The following SNX8 variants were observed in gnomAD, a reference collection of about 807,000 sequenced individuals.
The protein encoded by SNX8 is sorting nexin 8, also known as sorting nexin-8.
SNX8 carries 25 observed loss-of-function variants against 51.6 expected under a neutral mutation model. The ratio of observed to expected loss-of-function variants is 0.48; its 90% confidence interval spans 0.35 to 0.68. SNX8 has a LOEUF of 0.68. Among genes scored for constraint, SNX8 ranks in the 30% least tolerant of loss-of-function variants. The pLI is 0.00. For missense variants in SNX8, 695 were observed against 624.0 expected (o/e 1.11, Z -1.21); for synonymous variants, 324 against 277.0 (o/e 1.17, Z -1.68).
chr7:2,284,396 CTTTTTTTTTTTTT>C (rs751803296), intron 1 of SNX8, among the ~76,000 whole-genome samples: 1 of 88,908 alleles, frequency 1.1e-5, no homozygotes, highest in Non-Finnish European at 2.1e-5. Flanking sequence ...CTTTTATTTC[CTTTTTTTTTTTTT>C]TTTTTTTTTT....
chr7:2,347,519 G>A (rs1394945694), intron 1 of SNX8, among the ~76,000 whole-genome samples: 3 of 147,568 alleles, frequency 2.0e-5, no homozygotes, highest in Non-Finnish European at 4.5e-5. Flanking sequence ...AAGAGCCTTT[G>A]GCTGAAGGCA....
intron 10 of SNX8, among the ~76,000 whole-genome samples, chr7:2,256,542 G>A (rs905173601): frequency 2.6e-5 from 4 of 152,242 alleles, no homozygotes. Context: ...GCGGCGCTCC[G>A]AAGCGCTAGA....
intron 7 of SNX8, among the ~76,000 whole-genome samples, chr7:2,261,076 T>C (rs565345119): frequency 2.2e-4 from 33 of 152,294 alleles, no homozygotes; most frequent in African/African-American, 7.7e-4. Flanking sequence ...TGGGTCCCTG[T>C]GACAAGAATG....
chr7:2,271,711 GTCTTGTCCATGT>G (rs1795647621), intron 4 of SNX8, 127 bp downstream of exon 4: 1 of 942,278 alleles, frequency 1.1e-6, no homozygotes, highest in Admixed American at 2.8e-5. Flanking sequence ...AAGGAAAGAA[GTCTTGTCCATGT>G]CATTCCTGCT....
chr7:2,306,149 G>A (rs561945208), intron 1 of SNX8, among the ~76,000 whole-genome samples: 1 of 151,616 alleles, frequency 6.6e-6, no homozygotes, highest in African/African-American at 2.4e-5. Context: ...TTTTTTGTTT[G>A]TTTTTTGTTT....
intron 1 of SNX8, among the ~76,000 whole-genome samples, chr7:2,334,515 C>T (rs959526304): frequency 2.0e-5 from 3 of 151,834 alleles, no homozygotes; most frequent in Non-Finnish European, 4.4e-5. Context: ...CTGGCAAACA[C>T]AGTGAAACAC....
chr7:2,271,752 C>T, intron 4 of SNX8, 98 bp downstream of exon 4: 1 of 1,395,678 alleles, frequency 7.2e-7, no homozygotes, highest in Non-Finnish European at 9.8e-7. Context: ...AAACAAGGGA[C>T]CAGGAGGATA....
intron 1 of SNX8, among the ~76,000 whole-genome samples, chr7:2,348,506 A>G (rs1247275592): frequency 6.6e-6 from 1 of 151,466 alleles, no homozygotes; most frequent in African/African-American, 2.4e-5. Context: ...AGGCCCGGCT[A>G]ATTTTTTTGT....
At chr7:2,340,031 CAT>C (rs1778892288) in intron 1 of SNX8, among the ~76,000 whole-genome samples, 1 of 151,224 alleles carries the variant, frequency 6.6e-6, no homozygotes, top group South Asian at 2.1e-4. Flanking sequence ...TGAATTGAAA[CAT>C]ATATCTACAT....
At chr7:2,349,181 G>A (rs1033873965) in intron 1 of SNX8, among the ~76,000 whole-genome samples, 18 of 149,700 alleles carry the variant, frequency 1.2e-4, no homozygotes, top group Non-Finnish European at 3.0e-5. Flanking sequence ...TCCAGCCTGG[G>A]TGACAGAGTG....
At chr7:2,336,711 A>T (rs1244552808) in intron 1 of SNX8, among the ~76,000 whole-genome samples, 1 of 151,510 alleles carries the variant, frequency 6.6e-6, no homozygotes, top group African/African-American at 2.4e-5. Flanking sequence ...CTTCTCAAAA[A>T]AATAAATAAA....
At chr7:2,301,536 T>TA (rs765694183) in intron 1 of SNX8, among the ~76,000 whole-genome samples, 4 of 152,184 alleles carry the variant, frequency 2.6e-5, no homozygotes, top group Non-Finnish European at 5.9e-5. Context: ...AGCAGCAACT[T>TA]AGAGGCAGTG....
chr7:2,303,030 G>T (rs1364745944), intron 1 of SNX8, among the ~76,000 whole-genome samples: 1 of 150,244 alleles, frequency 6.7e-6, no homozygotes, highest in South Asian at 2.1e-4. Flanking sequence ...CCCCCGCCAG[G>T]CCAGCCGCCC....
intron 2 of SNX8, among the ~76,000 whole-genome samples, chr7:2,275,736 C>T (rs1427826712): frequency 3.9e-5 from 6 of 152,060 alleles, no homozygotes; most frequent in Admixed American, 3.9e-4. Context: ...CGGTGGCTCA[C>T]GCCTGCATTC....
intron 1 of SNX8, among the ~76,000 whole-genome samples, chr7:2,353,798 G>C (rs1779227069): frequency 6.6e-6 from 1 of 152,000 alleles, no homozygotes; most frequent in South Asian, 2.1e-4. Context: ...GCGTGCGGGG[G>C]GTGGTGGTGC....
chr7:2,295,778 C>A (rs1796261470), intron 1 of SNX8, among the ~76,000 whole-genome samples: 1 of 152,056 alleles, frequency 6.6e-6, no homozygotes, highest in South Asian at 2.1e-4. Flanking sequence ...GAGCGAGCGA[C>A]CCAGTTTCAT....
intron 1 of SNX8, among the ~76,000 whole-genome samples, chr7:2,333,151 C>G (rs892463190): frequency 2.6e-5 from 4 of 151,668 alleles, no homozygotes; most frequent in African/African-American, 9.7e-5. Flanking sequence ...TGACCTCAAG[C>G]AATCCTCCTG....
chr7:2,345,234 A>G (rs1464149920), intron 1 of SNX8, among the ~76,000 whole-genome samples: 1 of 152,232 alleles, frequency 6.6e-6, no homozygotes, highest in Admixed American at 6.5e-5. Context: ...AAATTGTGAT[A>G]TATTCATGCA....
intron 6 of SNX8, 108 bp downstream of exon 6, chr7:2,264,190 G>A (rs1795405867): frequency 1.8e-6 from 2 of 1,096,510 alleles, no homozygotes; most frequent in East Asian, 5.1e-5. Context: ...GATGAAACAG[G>A]TCAGGATGCT....
Sources: gnomAD v4.1 joint callset for allele counts (sites outside exome capture counted in the v4.1 genomes callset) on GRCh38, gnomAD v4.1.1 for gene constraint, MANE v1.5 for transcripts, NCBI Gene and HGNC (gene_info 2026-07-23, HGNC 2026-07-21) for gene names.